FNDC3A: variants seen among roughly 807,000 people sequenced by gnomAD.
The protein encoded by FNDC3A is fibronectin type-III domain-containing protein 3A.
A neutral mutation model predicts 148.9 loss-of-function variants in FNDC3A; 32 were observed. That is an observed-to-expected ratio of 0.21 (90% CI 0.16 to 0.29). FNDC3A has a LOEUF of 0.29. Among genes scored for constraint, FNDC3A ranks in the 10% least tolerant of loss-of-function variants. The probability of loss-of-function intolerance (pLI) is 1.00; values close to 1 mark genes in which losing one functional copy is unlikely to be tolerated. For synonymous variants in FNDC3A, 472 were observed against 473.6 expected (o/e 1.00, Z 0.04); for missense variants, 1,191 against 1,452.8 (o/e 0.82, Z 2.93).
At chr13:49,004,021 G>T (rs1394726823) in intron 1 of FNDC3A, among the ~76,000 whole-genome samples, 1 of 152,118 alleles carries the variant, frequency 6.6e-6, no homozygotes, top group Non-Finnish European at 1.5e-5. Context: ...TTTGAAGTGG[G>T]CTGTGGCAGG....
At chr13:49,187,365 A>C in intron 16 of FNDC3A, 175 bp downstream of exon 16, 1 of 832,662 alleles carries the variant, frequency 1.2e-6, no homozygotes, top group Non-Finnish European at 1.9e-6. Context: ...TAATGTCATA[A>C]GTTTATTGAC....
intron 2 of FNDC3A, among the ~76,000 whole-genome samples, chr13:49,057,894 A>G (rs1703570230): frequency 6.6e-6 from 1 of 152,118 alleles, no homozygotes; most frequent in Non-Finnish European, 1.5e-5. Context: ...GTAGAGTAGT[A>G]TTTTTCCTAA....
At chr13:49,185,911 A>G in intron 14 of FNDC3A, 53 bp from the exon 15 acceptor site, 1 of 1,384,886 alleles carries the variant, frequency 7.2e-7, no homozygotes, top group Non-Finnish European at 1.0e-6. Context: ...TTATTAAGCC[A>G]GTATCATTAG....
chr13:49,019,166 C>T (rs1031402074), intron 2 of FNDC3A, among the ~76,000 whole-genome samples: 6 of 152,270 alleles, frequency 3.9e-5, no homozygotes, highest in Non-Finnish European at 8.8e-5. Context: ...TTTACCTGAG[C>T]AAGCCTGGGC....
At chr13:49,158,241 C>T (rs756993894) in intron 8 of FNDC3A, among the ~76,000 whole-genome samples, 9 of 152,118 alleles carry the variant, frequency 5.9e-5, no homozygotes, top group South Asian at 2.1e-4. Flanking sequence ...TTTTTTAAGC[C>T]GGTCGGAGAA....
chr13:49,122,814 G>T (rs1228314502), intron 4 of FNDC3A, among the ~76,000 whole-genome samples: 4 of 152,114 alleles, frequency 2.6e-5, no homozygotes, highest in Non-Finnish European at 5.9e-5. Context: ...CCTCTTCAAG[G>T]AGAACTACAA....
At chr13:49,058,691 C>T (rs1876436030) in intron 2 of FNDC3A, among the ~76,000 whole-genome samples, 1 of 152,138 alleles carries the variant, frequency 6.6e-6, no homozygotes, top group Non-Finnish European at 1.5e-5. Flanking sequence ...TATGAGAAAA[C>T]GAATTTATAT....
intron 13 of FNDC3A, 90 bp from the exon 14 acceptor site, chr13:49,178,478 A>G: frequency 1.3e-6 from 1 of 786,230 alleles, no homozygotes; most frequent in Non-Finnish European, 2.2e-6. Context: ...GTAGAAGATG[A>G]AGAGAAACCC....
chr13:49,194,870 CTTA>C (rs879526991), intron 19 of FNDC3A, among the ~76,000 whole-genome samples: 32 of 151,782 alleles, frequency 2.1e-4, no homozygotes, highest in Non-Finnish European at 4.6e-4. Context: ...ATTTTTTAAA[CTTA>C]TTAATATAAA....
At chr13:49,186,838 A>C (rs986866728) in intron 15 of FNDC3A, among the ~76,000 whole-genome samples, 4 of 152,254 alleles carry the variant, frequency 2.6e-5, no homozygotes, top group African/African-American at 7.2e-5. Context: ...ATTGCATTCC[A>C]GCCTGGGCAA....
At chr13:49,042,656 C>CA (rs1466057639) in intron 2 of FNDC3A, among the ~76,000 whole-genome samples, 1 of 151,972 alleles carries the variant, frequency 6.6e-6, no homozygotes, top group African/African-American at 2.4e-5. Context: ...CCTGTGGTCC[C>CA]AGCTGTAATA....
chr13:49,115,795 T>A (rs1273994919), intron 4 of FNDC3A, among the ~76,000 whole-genome samples: 1 of 152,194 alleles, frequency 6.6e-6, no homozygotes, highest in East Asian at 1.9e-4. Context: ...ATAGTCTGCA[T>A]TCTGTCTATA....
At chr13:49,137,892 T>C (rs915170937) in intron 6 of FNDC3A, among the ~76,000 whole-genome samples, 3 of 152,234 alleles carry the variant, frequency 2.0e-5, no homozygotes, top group South Asian at 2.1e-4. Context: ...TACATAGATA[T>C]GCATGGTAGA....
intron 8 of FNDC3A, among the ~76,000 whole-genome samples, chr13:49,164,289 A>G (rs371360451): frequency 1.3e-5 from 2 of 152,162 alleles, no homozygotes; most frequent in South Asian, 4.1e-4. Flanking sequence ...AGGTGACTAG[A>G]TGCTTTTCTC....
At chr13:48,978,302 C>T (rs1210181591) in intron 1 of FNDC3A, among the ~76,000 whole-genome samples, 2 of 152,006 alleles carry the variant, frequency 1.3e-5, no homozygotes, top group Non-Finnish European at 2.9e-5. Flanking sequence ...CCTTAACCCC[C>T]CGAAAAAAAG....
chr13:49,170,905 T>G (rs922765506), intron 10 of FNDC3A, among the ~76,000 whole-genome samples: 2 of 152,170 alleles, frequency 1.3e-5, no homozygotes, highest in Non-Finnish European at 2.9e-5. Context: ...CCTCAGCAAC[T>G]AGACTAGAGC....
intron 2 of FNDC3A, among the ~76,000 whole-genome samples, chr13:49,047,390 T>C (rs994452546): frequency 1.3e-5 from 2 of 152,192 alleles, no homozygotes; most frequent in Admixed American, 6.5e-5. Context: ...TTAGGGGATC[T>C]CCATGCTGTT....
intron 3 of FNDC3A, among the ~76,000 whole-genome samples, chr13:49,102,753 A>C (rs561994737): frequency 6.6e-6 from 1 of 152,338 alleles, no homozygotes; most frequent in South Asian, 2.1e-4. Flanking sequence ...ATTACAGTTT[A>C]TAGGAATGCA....
chr13:49,138,516 A>G (rs1297965376), intron 6 of FNDC3A, among the ~76,000 whole-genome samples: 1 of 152,130 alleles, frequency 6.6e-6, no homozygotes, highest in Admixed American at 6.6e-5. Flanking sequence ...ATATATATAG[A>G]TATATCTGTA....
Sources: gnomAD v4.1 joint callset for allele counts (sites outside exome capture counted in the v4.1 genomes callset) on GRCh38, gnomAD v4.1.1 for gene constraint, MANE v1.5 for transcripts, NCBI Gene and HGNC (gene_info 2026-07-23, HGNC 2026-07-21) for gene names.